Variants in EPHA2 observed in about 807,000 individuals in gnomAD.
The protein encoded by EPHA2 is ephrin type-A receptor 2.
A neutral mutation model predicts 104.9 loss-of-function variants in EPHA2; 54 were observed. The ratio of observed to expected loss-of-function variants is 0.51; its 90% confidence interval spans 0.41 to 0.65. The LOEUF (loss-of-function observed/expected upper bound fraction) is 0.65, where lower values mean the gene tolerates loss of function less well. Among genes scored for constraint, EPHA2 ranks in the 30% least tolerant of loss-of-function variants. The pLI is 0.00. For missense variants in EPHA2, 1,117 were observed against 1,369.5 expected (o/e 0.82, Z 2.91); for synonymous variants, 560 against 559.1 (o/e 1.00, Z -0.02).
At position 16,148,226 on chromosome 1, in the gene EPHA2, C is replaced by T; in HGVS notation, c.823+152G>A. On this transcript the variant is annotated intron_variant, in intron 3 of 16. Coordinates refer to ENST00000358432, the MANE Select transcript of EPHA2 (RefSeq NM_004431.5). This position sits in a 1 kb window ranked among gnomAD's most constrained non-coding sequence, Gnocchi z 4.9. ...AGTTAGTCCAGCCTTAATAAGGAAACTGATGTCTGGGAAGGATCTATAATT... is the reference window on the plus strand; with the variant it reads ...AGTTAGTCCAGCCTTAATAAGGAAATTGATGTCTGGGAAGGATCTATAATT... 9.9e-7 allele frequency: 1 copy of T among 1,008,812 alleles called. No individual in the cohort carries two copies. Among genetic ancestry groups the T allele is most frequent in the Non-Finnish European group, 1.5e-6 (1 of 666,334 alleles). The allele number at this position is 1,008,812 out of a possible 1,614,324, so 62.5% of individuals were successfully genotyped here.
intron 3 of EPHA2, among the ~76,000 whole-genome samples, chr1:16,142,734 GT>G (rs2024847946): frequency 6.7e-6 from 1 of 148,964 alleles, no homozygotes; most frequent in Non-Finnish European, 1.5e-5. Flanking sequence ...GTATGGATGG[GT>G]GGGGAGGATG....
intron 16 of EPHA2, among the ~76,000 whole-genome samples, chr1:16,126,855 G>A (rs995588352): frequency 1.3e-5 from 2 of 152,156 alleles, no homozygotes; most frequent in African/African-American, 4.8e-5. Flanking sequence ...CTTGTCATCT[G>A]GGCCCATCAC....
Position 16,125,247 on chromosome 1 carries a change from C to T in EPHA2, c.2899G>A (p.Asp967Asn). The change falls in exon 17 of 17, where the codon GAC becomes AAC. Residue 967 changes from aspartate to asparagine, a missense_variant. This residue lies in a region of EPHA2 where 340 missense variants were observed against 480.5 expected (regional missense o/e 0.71). Transcript: ENST00000358432. The surrounding 1 kb of genome is among the most constrained non-coding windows in gnomAD (Gnocchi z 4.9). ...GGGATCCCCACAGTGTTCACCTGGT[C>T]CTTGAGTCCCAGCAGGCTGTAGGCG... ...RIAYSLLGLK[D>N]QVNTVGIPI 3.1e-6 allele frequency: 5 copies of T among 1,614,022 alleles called. No individual in the cohort carries two copies. Among genetic ancestry groups the T allele is most frequent in the Non-Finnish European group, 4.2e-6 (5 of 1,180,036 alleles).
rs2024650905 is a variant in EPHA2, at chr1:16,134,860, C to T, written c.1582+176G>A. Among the ~76,000 whole-genome samples, 1 of 152,230 alleles carries T rather than the reference C, an allele frequency of 6.6e-6. No homozygotes were observed. The highest frequency in any genetic ancestry group is 6.5e-5 in the Admixed American group (1 of 15,292). ...ACATCCCGGCTCCTCCACCCCTCAG[C>T]CTTCCATGCTTCCCCCTCCCCAGGC... is the stretch of plus-strand genomic sequence containing the variant. On this transcript the variant is annotated intron_variant, in intron 7 of 16. Transcript: ENST00000358432. This position sits in a 1 kb window ranked among gnomAD's most constrained non-coding sequence, Gnocchi z 4.5.
At position 16,156,025 on chromosome 1, in the gene EPHA2, C is replaced by T; in HGVS notation, c.-93G>A. The T allele has an allele frequency of 8.7e-7, 1 of 1,143,470 alleles. No individual in the cohort carries two copies. The allele number at this position is 1,143,470 out of a possible 1,614,324, so 70.8% of individuals were successfully genotyped here. On this transcript the variant is annotated 5_prime_UTR_variant, in exon 1 of 17. Transcript: ENST00000358432. ...CGGCCTCGGTGTCCGCTCCCGCCCG[C>T]CGGCCTGCGCGCAACTTCTGCCCCT...
Position 16,148,533 on chromosome 1 carries a change from A to G in EPHA2, c.668T>C (p.Leu223Pro). ...ETIAGSDAPS[L>P]ATVAGTCVDH... is the part of the protein sequence containing the mutation. The stretch of plus-strand genomic sequence containing the variant: ...CACACAGGTGCCGGCCACAGTGGCC[A>G]GGGAAGGTGCATCAGAGCCGGCGAT... The change falls in exon 3 of 17, where the codon CTG becomes CCG. Residue 223 changes from leucine to proline, a missense_variant. Transcript: ENST00000358432. The surrounding 1 kb of genome is among the most constrained non-coding windows in gnomAD (Gnocchi z 4.9). The G allele has an allele frequency of 6.2e-7, 1 of 1,613,554 alleles. No individual in the cohort carries two copies. The highest frequency in any genetic ancestry group is 8.5e-7 in the Non-Finnish European group (1 of 1,179,968).
In EPHA2 at chr1:16,135,583, G is replaced by T; in HGVS notation, c.1428+72C>A. 1 of 1,425,276 alleles carries T rather than the reference G, an allele frequency of 7.0e-7. No homozygotes were observed. The highest frequency in any genetic ancestry group is 9.9e-7 in the Non-Finnish European group (1 of 1,008,792). 88.3% of individuals were successfully genotyped at this position (1,425,276 alleles called of 1,614,324 possible). ...TCTTCAGATGGCTGGGTGGTTTGGTGATCATCTATGTGACCAGCCTGTCCC... is the reference window on the plus strand; with the variant it reads ...TCTTCAGATGGCTGGGTGGTTTGGTTATCATCTATGTGACCAGCCTGTCCC... On this transcript the variant is annotated intron_variant, in intron 6 of 16. Coordinates refer to ENST00000358432, the MANE Select transcript of EPHA2 (RefSeq NM_004431.5). The surrounding 1 kb of genome is among the most constrained non-coding windows in gnomAD (Gnocchi z 4.3).
chr1:16,129,435 C>T lies in EPHA2; in HGVS notation c.2824G>A (p.Asp942Asn), dbSNP rs1184554556. 1.2e-5 allele frequency: 20 copies of T among 1,612,838 alleles called. No individual in the cohort carries two copies. In the East Asian group the frequency reaches 1.6e-4, roughly 13 times the overall value. ...GGGACGGAAAGGGGCCTGACTTACT[C>T]GTTGGTCATCTGCACCACCTTCTCG... ...AIEKVVQMTN[D>N]DIKRIGVRLP... Residue 942 changes from aspartate (D) to asparagine (N), a missense_variant and splice_region_variant, in exon 16 of 17, where the codon GAC (aspartate) becomes AAC (asparagine). Transcript: ENST00000358432.
At chr1:16,149,208 T>C (rs1213128305) in intron 2 of EPHA2, among the ~76,000 whole-genome samples, 161 bp from the exon 3 acceptor site, 1 of 152,080 alleles carries the variant, frequency 6.6e-6, no homozygotes, top group African/African-American at 2.4e-5. Flanking sequence ...CATCCATAAG[T>C]GGCTGAGCTG....
intron 1 of EPHA2, chr1:16,153,279 G>A (rs949326356): frequency 1.0e-5 from 10 of 985,294 alleles, no homozygotes; most frequent in Non-Finnish European, 1.1e-5. Flanking sequence ...CAGCCTCCGA[G>A]GCTGTGGTTC....
At chr1:16,142,874 ATGGACAGATGAATGGACAAGTGGAT>A (rs2024850858) in intron 3 of EPHA2, among the ~76,000 whole-genome samples, 1 of 140,308 alleles carries the variant, frequency 7.1e-6, no homozygotes, top group African/African-American at 2.7e-5. Context: ...GGGGCGGAGG[ATGGACAGATGAATGGACAAGTGGAT>A]GGGTGGGTTG....
In EPHA2 at chr1:16,134,730, C is replaced by A. The variant is rs781327431; in HGVS notation, c.1583-163G>T. ...CATTTCATAGACGGTCAAGCGGAGGCCTTCCCGAAGGTCTCACGGGAGGTA... is the reference window on the plus strand; with the variant it reads ...CATTTCATAGACGGTCAAGCGGAGGACTTCCCGAAGGTCTCACGGGAGGTA... On this transcript the variant is annotated intron_variant, in intron 7 of 16. Transcript: ENST00000358432. The surrounding 1 kb of genome is among the most constrained non-coding windows in gnomAD (Gnocchi z 4.5). Among the ~76,000 whole-genome samples the A allele has an allele frequency of 3.9e-5, 6 of 152,202 alleles. No individual in the cohort carries two copies. Among genetic ancestry groups the A allele is most frequent in the Non-Finnish European group, 8.8e-5 (6 of 68,038 alleles).
intron 1 of EPHA2, chr1:16,155,247 C>G (rs917140062): frequency 1.2e-4 from 19 of 152,264 alleles, no homozygotes; most frequent in African/African-American, 4.3e-4. Flanking sequence ...CCCGGGAGCC[C>G]GGGAGTGCGG....
In EPHA2 at chr1:16,149,063, A is replaced by G. The variant is rs2024989793; in HGVS notation, c.154-16T>C. On this transcript the variant is annotated splice_polypyrimidine_tract_variant and intron_variant, in intron 2 of 16. Coordinates refer to ENST00000358432, the MANE Select transcript of EPHA2 (RefSeq NM_004431.5). Reference sequence around the variant, plus strand: ...TCAGGTCCCACTGTGGGGGGAAGATACAGGTTAGTGTGGGCAGGTGCCTGG... The same window carrying G: ...TCAGGTCCCACTGTGGGGGGAAGATGCAGGTTAGTGTGGGCAGGTGCCTGG... The G allele has an allele frequency of 1.2e-6, 2 of 1,610,634 alleles. No individual in the cohort carries two copies. Among genetic ancestry groups the G allele is most frequent in the Non-Finnish European group, 1.7e-6 (2 of 1,179,982 alleles).
In EPHA2 at chr1:16,135,764, G is replaced by A. The variant is rs753365264; in HGVS notation, c.1319C>T (p.Pro440Leu). ...ASVSINQTEP[P>L]KVRLEGRSTT... ...GCTGCGGCCCTCCAGCCTCACCTTG[G>A]GGGGCTCTGGGCAGGACAGGCAGTG... The change falls in exon 6 of 17, where the codon CCC (proline) becomes CTC (leucine). Residue 440 changes from proline to leucine, a missense_variant. Transcript: ENST00000358432. This position sits in a 1 kb window ranked among gnomAD's most constrained non-coding sequence, Gnocchi z 4.3. 6 of 1,611,450 alleles carry A rather than the reference G, an allele frequency of 3.7e-6. No homozygotes were observed. The highest frequency in any genetic ancestry group is 5.1e-6 in the Non-Finnish European group (6 of 1,178,762).
Position 16,150,934 on chromosome 1 carries a change from C to T in EPHA2, c.115G>A (p.Gly39Arg), listed in dbSNP as rs1253625963. Residue 39 changes from glycine to arginine, a missense_variant, in exon 2 of 17, where the codon GGG becomes AGG. By Grantham distance (125) the Gly-to-Arg change is moderately radical. Around this residue, in one of 3 missense-constraint regions of EPHA2, gnomAD observed 664 missense variants for 784.8 expected, o/e 0.85. Coordinates refer to ENST00000358432, the MANE Select transcript of EPHA2 (RefSeq NM_004431.5). This position sits in a 1 kb window ranked among gnomAD's most constrained non-coding sequence, Gnocchi z 4.8. ...VVLLDFAAAGGELGWLTHPYG... is the reference protein window; with the variant it reads ...VVLLDFAAAGRELGWLTHPYG... ...GGGTGTGTGAGCCAGCCGAGCTCCC[C>T]TCCAGCTGCAGCAAAGTCCAGCAGT... The T allele has an allele frequency of 3.1e-6, 5 of 1,614,022 alleles. No homozygotes were observed. The highest frequency in any genetic ancestry group is 4.2e-6 in the Non-Finnish European group (5 of 1,180,026).
chr1:16,130,913 C>T lies in EPHA2; in HGVS notation c.2476-494G>A, dbSNP rs951123709. 1.1e-4 allele frequency among the ~76,000 whole-genome samples: 17 copies of T among 152,098 alleles called. No individual in the cohort carries two copies. Among genetic ancestry groups the T allele is most frequent in the African/African-American group, 3.4e-4 (14 of 41,436 alleles). ...CCAAAGTGCTAGGATTACAGGCATG[C>T]GCCATTGCTCCCAGCTAGAAGGGAC... On this transcript the variant is annotated intron_variant, in intron 14 of 16. Coordinates refer to ENST00000358432, the MANE Select transcript of EPHA2 (RefSeq NM_004431.5). This position sits in a 1 kb window ranked among gnomAD's most constrained non-coding sequence, Gnocchi z 4.5.
chr1:16,131,124 ACACACACACATGCATGCATGCACATGTG>A lies in EPHA2; in HGVS notation c.2475+569_2475+596del, dbSNP rs2024562166. Among the ~76,000 whole-genome samples, 1 of 152,144 alleles carries A rather than the reference ACACACACACATGCATGCATGCACATGTG, an allele frequency of 6.6e-6. No homozygotes were observed. Among genetic ancestry groups the A allele is most frequent in the Non-Finnish European group, 1.5e-5 (1 of 68,010 alleles). ...TGAGAGAGGCACCAAGCACACAGAC[ACACACACACATGCATGCATGCACATGTG>A]CACACATACGGATGCACACACATGC... On this transcript the variant is annotated intron_variant, in intron 14 of 16. Coordinates refer to ENST00000358432, the MANE Select transcript of EPHA2 (RefSeq NM_004431.5). This position sits in a 1 kb window ranked among gnomAD's most constrained non-coding sequence, Gnocchi z 5.2.
intron 12 of EPHA2, 21 bp from the exon 13 acceptor site, chr1:16,132,294 A>G: frequency 6.2e-7 from 1 of 1,614,010 alleles, no homozygotes; most frequent in Non-Finnish European, 8.5e-7. Flanking sequence ...ACAGGCGCTC[A>G]GCTGCAGGCC....
Sources: gnomAD v4.1 joint callset for allele counts (sites outside exome capture counted in the v4.1 genomes callset) on GRCh38, gnomAD v4.1.1 for gene constraint, gnomAD v4.1.1 regional missense constraint, Gnocchi (gnomAD v3.1) non-coding constraint, MANE v1.5 for transcripts, NCBI Gene and HGNC (gene_info 2026-07-23, HGNC 2026-07-21) for gene names.